Variants in AGTPBP1 observed in about 807,000 individuals in gnomAD.
The protein encoded by AGTPBP1 is ATP/GTP binding carboxypeptidase 1.
AGTPBP1 carries 70 observed loss-of-function variants against 143.9 expected under a neutral mutation model. The ratio of observed to expected loss-of-function variants is 0.49; its 90% CI spans 0.40 to 0.59. The LOEUF (loss-of-function observed/expected upper bound fraction) is 0.59. AGTPBP1 is among the 20% of genes least tolerant of loss of function. AGTPBP1 has a pLI of 0.00. For synonymous variants in AGTPBP1, 463 were observed against 500.2 expected (o/e 0.93, Z 0.99); for missense variants, 1,229 against 1,464.5 (o/e 0.84, Z 2.62).
At chr9:85,585,935 T>C (rs1432965199) in intron 22 of AGTPBP1, among the ~76,000 whole-genome samples, 1 of 152,172 alleles carries the variant, frequency 6.6e-6, no homozygotes, top group African/African-American at 2.4e-5. Context: ...TAATTTGGCC[T>C]GGAGCGGTGG....
intron 25 of AGTPBP1, among the ~76,000 whole-genome samples, chr9:85,562,858 T>C (rs1253892883): frequency 1.3e-5 from 2 of 152,162 alleles, no homozygotes; most frequent in Non-Finnish European, 2.9e-5. Flanking sequence ...GAAATCCTAA[T>C]TCCCAAGGTG....
intron 13 of AGTPBP1, among the ~76,000 whole-genome samples, chr9:85,641,188 G>A (rs1832439978): frequency 1.3e-5 from 2 of 152,104 alleles, no homozygotes; most frequent in Admixed American, 1.3e-4. Flanking sequence ...GGATAAGGGG[G>A]GCCTACCGTA....
intron 25 of AGTPBP1, among the ~76,000 whole-genome samples, chr9:85,554,835 CA>C (rs1295769875): frequency 2.0e-5 from 3 of 152,102 alleles, no homozygotes; most frequent in African/African-American, 7.2e-5. Context: ...TATGTCCAAA[CA>C]GACGATGAAA....
intron 17 of AGTPBP1, among the ~76,000 whole-genome samples, chr9:85,596,765 T>C (rs1164702475): frequency 6.6e-6 from 1 of 152,122 alleles, no homozygotes. Flanking sequence ...AGCCAAAACA[T>C]ATGTAAAGAC....
intron 14 of AGTPBP1, among the ~76,000 whole-genome samples, chr9:85,624,709 T>A (rs986425880): frequency 2.6e-5 from 4 of 152,218 alleles, no homozygotes; most frequent in Admixed American, 2.6e-4. Context: ...AAAGGTAATA[T>A]GCTGGCATTA....
At chr9:85,800,537 T>C in the AGTPBP1 span, among the ~76,000 whole-genome samples, 1 of 152,212 alleles carries the variant, frequency 6.6e-6, no homozygotes. Flanking sequence ...GTTTGCTTTT[T>C]CTTTATAGAT....
At chr9:85,629,876 TAA>T (rs1023601978) in intron 14 of AGTPBP1, among the ~76,000 whole-genome samples, 1 of 151,976 alleles carries the variant, frequency 6.6e-6, no homozygotes, top group Non-Finnish European at 1.5e-5. Context: ...TGAGAGGAAA[TAA>T]GAGGGTTCCT....
chr9:85,550,284 G>A (rs1169058908), intron 25 of AGTPBP1, among the ~76,000 whole-genome samples: 3 of 151,992 alleles, frequency 2.0e-5, no homozygotes, highest in African/African-American at 7.3e-5. Flanking sequence ...GAGAAAAACA[G>A]AAGATTACAT....
chr9:85,628,979 T>C (rs1977416), intron 14 of AGTPBP1, among the ~76,000 whole-genome samples: 37,126 of 151,982 alleles, frequency 0.24, 5,128 homozygotes, highest in East Asian at 0.53. Context: ...CCTCCCAAAG[T>C]CCTGGGATTA....
Position 85,741,867 on chromosome 9 carries a change from C to A in AGTPBP1, c.-126G>T. On this transcript the variant is annotated 5_prime_UTR_variant, in exon 1 of 26. Coordinates refer to ENST00000357081, the MANE Select transcript of AGTPBP1 (RefSeq NM_001330701.2). ...GGCGGATCCCTCGCCGCCCGCCGCC[C>A]GGTGTTTTCATACAAACCCCGGTGG... The A allele has an allele frequency of 1.4e-6, 2 of 1,395,964 alleles. No homozygotes were observed. Among genetic ancestry groups the A allele is most frequent in the Non-Finnish European group, 1.9e-6 (2 of 1,076,696 alleles). 86.5% of individuals were successfully genotyped at this position (1,395,964 alleles called of 1,614,324 possible). A position where few individuals can be genotyped will look rare whatever the true frequency, so the allele number is the denominator to read the frequency against.
At chr9:85,635,842 A>C (rs10113993) in intron 13 of AGTPBP1, among the ~76,000 whole-genome samples, 36,922 of 151,486 alleles carry the variant, frequency 0.24, 5,098 homozygotes, top group East Asian at 0.53. Flanking sequence ...AAAAAAAAAA[A>C]CACGTAAAAA....
At chr9:85,633,648 C>T (rs1434239236) in intron 13 of AGTPBP1, among the ~76,000 whole-genome samples, 1 of 152,082 alleles carries the variant, frequency 6.6e-6, no homozygotes, top group African/African-American at 2.4e-5. Flanking sequence ...CTATTAGGGA[C>T]AACAACTAAA....
chr9:85,695,906 A>C (rs1836204920), intron 2 of AGTPBP1, among the ~76,000 whole-genome samples: 1 of 151,790 alleles, frequency 6.6e-6, no homozygotes, highest in African/African-American at 2.4e-5. Flanking sequence ...CAGTGGCGCA[A>C]TCTCGGCTCA....
At chr9:85,778,934 TC>T in the AGTPBP1 span, among the ~76,000 whole-genome samples, 1 of 152,164 alleles carries the variant, frequency 6.6e-6, no homozygotes, top group Non-Finnish European at 1.5e-5. Context: ...ATCAGGAGTG[TC>T]AAATGCATTT....
intron 17 of AGTPBP1, 136 bp downstream of exon 17, chr9:85,618,847 A>G (rs900585903): frequency 1.4e-4 from 133 of 932,344 alleles, no homozygotes; most frequent in Non-Finnish European, 1.7e-4. Context: ...ATGTTGCATA[A>G]TATCTGAATT....
Position 85,551,138 on chromosome 9 carries a change from A to G in AGTPBP1, c.3504-3852T>C, listed in dbSNP as rs146526951. 1.4e-3 allele frequency among the ~76,000 whole-genome samples: 220 copies of G among 152,176 alleles called. 2 individuals are homozygous for G. Among genetic ancestry groups the G allele is most frequent in the African/African-American group, 5.0e-3 (209 of 41,496 alleles). On this transcript the variant is annotated intron_variant, in intron 25 of 25. Transcript: ENST00000357081. ...CTCCCTGAGACCTTCCCAAAAGCCA[A>G]GCAGACGGTGGCACCATGCTTCCTG...
intron 17 of AGTPBP1, among the ~76,000 whole-genome samples, chr9:85,601,237 T>C (rs1167031475): frequency 6.6e-6 from 1 of 152,154 alleles, no homozygotes; most frequent in Non-Finnish European, 1.5e-5. Flanking sequence ...GCAGGCAGAC[T>C]TCCCCAGCCC....
chr9:85,724,272 G>GT (rs1838322664), intron 1 of AGTPBP1, among the ~76,000 whole-genome samples: 1 of 141,390 alleles, frequency 7.1e-6, no homozygotes, highest in Admixed American at 7.1e-5. Context: ...GTGCAACAGA[G>GT]TGAGACTTTG....
At chr9:85,710,700 A>AACAACAAC (rs569324761) in intron 2 of AGTPBP1, among the ~76,000 whole-genome samples, 3 of 147,810 alleles carry the variant, frequency 2.0e-5, no homozygotes, top group African/African-American at 7.6e-5. Flanking sequence ...CAACAACAAC[A>AACAACAAC]AAAAAAACAA....
Sources: gnomAD v4.1 joint callset for allele counts (sites outside exome capture counted in the v4.1 genomes callset) on GRCh38, gnomAD v4.1.1 for gene constraint, MANE v1.5 for transcripts, NCBI Gene and HGNC (gene_info 2026-07-23, HGNC 2026-07-21) for gene names.